Variants in SLC9C1 observed in about 807,000 individuals in gnomAD.
SLC9C1 encodes the protein solute carrier family 9 member C1.
In SLC9C1, 97 loss-of-function variants were observed where a neutral mutation model predicts 140.9. That is an observed-to-expected ratio of 0.69 (90% CI 0.58 to 0.82). The LOEUF is 0.82. Ranked by LOEUF, SLC9C1 falls within the 40% of genes least tolerant of loss-of-function variation. The probability of loss-of-function intolerance (pLI) is 0.00; values close to 1 mark genes in which losing one functional copy is unlikely to be tolerated. For missense variants in SLC9C1, 1,340 were observed against 1,389.3 expected, an observed-to-expected ratio of 0.96 and a Z score of 0.56; for synonymous variants, 440 against 442.6, an observed-to-expected ratio of 0.99 and a Z score of 0.07.
intron 28 of SLC9C1, among the ~76,000 whole-genome samples, chr3:112,150,064 A>C (rs1319233788): frequency 6.6e-6 from 1 of 152,138 alleles, no homozygotes; most frequent in Admixed American, 6.5e-5. Context: ...CCTACCCCAG[A>C]CTTGCAATGG....
In SLC9C1 at chr3:112,293,453, A is replaced by G. The variant is rs114323836; in HGVS notation, c.-88+640T>C. On this transcript the variant is annotated intron_variant, in intron 1 of 28. Coordinates refer to ENST00000305815, the MANE Select transcript of SLC9C1 (RefSeq NM_183061.3). ...TCACACTAATTTACCATGTTACTGAACATGGAAACAGTCTTCTTCCTTCAG... is the reference window on the plus strand; with the variant it reads ...TCACACTAATTTACCATGTTACTGAGCATGGAAACAGTCTTCTTCCTTCAG... Among the ~76,000 whole-genome samples the G allele has an allele frequency of 8.6e-3, 1,306 of 152,340 alleles. 8 individuals are homozygous for G. Among genetic ancestry groups the G allele is most frequent in the Non-Finnish European group, 0.014 (971 of 68,032 alleles).
At chr3:112,197,701 C>A (rs946826399) in intron 20 of SLC9C1, among the ~76,000 whole-genome samples, 9 of 152,166 alleles carry the variant, frequency 5.9e-5, no homozygotes, top group Admixed American at 5.9e-4. Context: ...ATTTCTGAAA[C>A]TTCCTACTCT....
At chr3:112,186,168 C>A (rs1436496854) in intron 20 of SLC9C1, among the ~76,000 whole-genome samples, 4 of 152,206 alleles carry the variant, frequency 2.6e-5, no homozygotes, top group Non-Finnish European at 5.9e-5. Flanking sequence ...CAATTATCCT[C>A]TACCTTTTTG....
rs1366571493 is a variant in SLC9C1, at chr3:112,268,298, GAT to G, written c.775+1616_775+1617del. The stretch of plus-strand genomic sequence containing the variant: ...ATATTATAATTGAATTTAATCCACT[GAT>G]TAATTCATTAGAAAGCCTCAAGATC... On this transcript the variant is annotated intron_variant, in intron 7 of 28. Transcript: ENST00000305815. Among the ~76,000 whole-genome samples, 9 of 152,194 alleles carry G rather than the reference GAT, an allele frequency of 5.9e-5. No individual in the cohort carries two copies. In the East Asian group the frequency reaches 1.5e-3, roughly 26 times the overall value.
At chr3:112,284,433 T>C (rs2080445697) in intron 2 of SLC9C1, among the ~76,000 whole-genome samples, 1 of 152,150 alleles carries the variant, frequency 6.6e-6, no homozygotes, top group Admixed American at 6.5e-5. Context: ...CAGTAAAAGC[T>C]GGGTTCATCA....
At chr3:112,260,673 A>G (rs1301513384) in intron 10 of SLC9C1, among the ~76,000 whole-genome samples, 1 of 152,070 alleles carries the variant, frequency 6.6e-6, no homozygotes, top group East Asian at 1.9e-4. Context: ...ACATTTCTTT[A>G]GGGCATAATT....
At chr3:112,217,666 CAG>C (rs1302630069) in intron 14 of SLC9C1, 105 bp from the exon 15 acceptor site, 1 of 997,302 alleles carries the variant, frequency 1.0e-6, no homozygotes, top group African/African-American at 1.7e-5. Context: ...TTGCACAAAA[CAG>C]GAAGACTATT....
chr3:112,244,102 AG>A, intron 10 of SLC9C1, 26 bp from the exon 11 acceptor site: 1 of 1,431,200 alleles, frequency 7.0e-7, no homozygotes, highest in South Asian at 1.2e-5. Flanking sequence ...ATACAAAGTA[AG>A]TATTCATGAC....
At chr3:112,269,614 A>C (rs2108312850) in intron 7 of SLC9C1, among the ~76,000 whole-genome samples, 1 of 152,260 alleles carries the variant, frequency 6.6e-6, no homozygotes, top group Middle Eastern at 3.4e-3. Flanking sequence ...TATAACCATA[A>C]TCATTTTTTG....
At chr3:112,186,418 G>T (rs1047316624) in intron 20 of SLC9C1, among the ~76,000 whole-genome samples, 1 of 151,778 alleles carries the variant, frequency 6.6e-6, no homozygotes, top group African/African-American at 2.4e-5. Context: ...AATAGTATAA[G>T]AACTCTACAC....
At position 112,211,586 on chromosome 3, in the gene SLC9C1, C is replaced by A. The variant is rs59653496; in HGVS notation, c.1791-3213G>T. On this transcript the variant is annotated intron_variant, in intron 15 of 28. Coordinates refer to ENST00000305815, the MANE Select transcript of SLC9C1 (RefSeq NM_183061.3). ...CCCGCACCTGGCTCGGAGGGTCCCA[C>A]GCCCACGGAGCCTCACTCATTGCTA... Among the ~76,000 whole-genome samples the A allele has an allele frequency of 2.6e-5, 4 of 152,344 alleles. No individual in the cohort carries two copies. The South Asian group carries it at 6.2e-4, about 24-fold the overall frequency.
intron 28 of SLC9C1, among the ~76,000 whole-genome samples, chr3:112,144,343 A>C (rs2074721989): frequency 6.6e-6 from 1 of 151,336 alleles, no homozygotes; most frequent in Non-Finnish European, 1.5e-5. Context: ...AAGCCCAGCT[A>C]TTTTTTTGTA....
At chr3:112,232,960 TAAAC>T (rs1481359806) in intron 12 of SLC9C1, among the ~76,000 whole-genome samples, 1 of 150,452 alleles carries the variant, frequency 6.6e-6, no homozygotes. Flanking sequence ...CCTAAATAAA[TAAAC>T]AAAGACCCCT....
intron 23 of SLC9C1, among the ~76,000 whole-genome samples, chr3:112,172,824 T>C (rs946809698): frequency 6.6e-6 from 1 of 152,128 alleles, no homozygotes; most frequent in African/African-American, 2.4e-5. Flanking sequence ...TTTTTTCTTA[T>C]AATGTGTTGA....
chr3:112,161,090 G>A (rs200338524), intron 26 of SLC9C1, among the ~76,000 whole-genome samples: 6 of 152,170 alleles, frequency 3.9e-5, no homozygotes, highest in Non-Finnish European at 7.3e-5. Flanking sequence ...GTCTGTTCAT[G>A]TCCTTCACCC....
chr3:112,207,682 CTTTTT>C (rs1394183102), intron 16 of SLC9C1, among the ~76,000 whole-genome samples: 1 of 152,026 alleles, frequency 6.6e-6, no homozygotes, highest in East Asian at 1.9e-4. Context: ...TAGTTATTCT[CTTTTT>C]TGTCTCCTAG....
intron 13 of SLC9C1, among the ~76,000 whole-genome samples, chr3:112,225,734 T>C (rs1289140355): frequency 7.0e-6 from 1 of 143,378 alleles, no homozygotes; most frequent in Non-Finnish European, 1.5e-5. Context: ...AAAAAAGATA[T>C]TTCTGGCAAA....
At chr3:112,142,639 A>T (rs1006014397) in intron 28 of SLC9C1, among the ~76,000 whole-genome samples, 1 of 152,150 alleles carries the variant, frequency 6.6e-6, no homozygotes, top group African/African-American at 2.4e-5. Context: ...CATTACCTAA[A>T]TCATTCTGAC....
chr3:112,165,613 C>T (rs541968968), intron 26 of SLC9C1, among the ~76,000 whole-genome samples: 41 of 152,290 alleles, frequency 2.7e-4, no homozygotes, highest in African/African-American at 9.4e-4. Context: ...ATGTTGCTAC[C>T]TGATCGTTCC....
Sources: allele counts gnomAD v4.1 joint callset (sites outside exome capture counted in the v4.1 genomes callset), GRCh38; gene constraint gnomAD v4.1.1; transcripts MANE v1.5; gene names NCBI Gene and HGNC (gene_info 2026-07-23, HGNC 2026-07-21).